The following SERPINI1 variants were observed in gnomAD, a reference collection of about 807,000 sequenced individuals.
SERPINI1 encodes neuroserpin.
A neutral mutation model predicts 41.1 loss-of-function variants in SERPINI1; 19 were observed. The ratio of observed to expected loss-of-function variants is 0.46; its 90% CI spans 0.32 to 0.68. SERPINI1 has a LOEUF of 0.68. Among genes scored for constraint, SERPINI1 ranks in the 30% least tolerant of loss-of-function variants. The pLI, the probability that SERPINI1 is intolerant of heterozygous loss-of-function variation, is 0.03. For synonymous variants in SERPINI1, 138 were observed against 156.6 expected, an observed-to-expected ratio of 0.88 and a Z score of 0.89; for missense variants, 460 against 479.2, an observed-to-expected ratio of 0.96 and a Z score of 0.37.
At chr3:167,781,141 G>A (rs1188859411) in intron 1 of SERPINI1, among the ~76,000 whole-genome samples, 1 of 151,938 alleles carries the variant, frequency 6.6e-6, no homozygotes, top group Non-Finnish European at 1.5e-5. Context: ...CTTCATTGCT[G>A]CTGATCTAAT....
At chr3:167,740,826 T>C (rs1169298656) in intron 1 of SERPINI1, among the ~76,000 whole-genome samples, 5 of 151,946 alleles carry the variant, frequency 3.3e-5, no homozygotes, top group Non-Finnish European at 7.4e-5. Context: ...TCTAGAACTC[T>C]GCTGATTTAA....
intron 4 of SERPINI1, among the ~76,000 whole-genome samples, chr3:167,793,834 A>ATG (rs1368712957): frequency 5.6e-5 from 6 of 106,658 alleles, no homozygotes; most frequent in East Asian, 4.9e-4. Flanking sequence ...TTTTGGCCAT[A>ATG]TGTATGTGTG....
At chr3:167,815,772 A>G (rs1712061228) in intron 6 of SERPINI1, among the ~76,000 whole-genome samples, 1 of 152,162 alleles carries the variant, frequency 6.6e-6, no homozygotes, top group South Asian at 2.1e-4. Flanking sequence ...GGTCTCATTT[A>G]CAGGTGTAGA....
intron 5 of SERPINI1, among the ~76,000 whole-genome samples, chr3:167,803,680 A>G (rs753279810): frequency 3.9e-5 from 6 of 152,186 alleles, no homozygotes; most frequent in Non-Finnish European, 8.8e-5. Flanking sequence ...TTTCATCACT[A>G]AAGTGTGAAA....
At chr3:167,794,863 G>A (rs746416019) in intron 5 of SERPINI1, 39 bp downstream of exon 5, 14 of 1,532,222 alleles carry the variant, frequency 9.1e-6, no homozygotes, top group African/African-American at 5.5e-5. Context: ...CAGCATGGAC[G>A]ATGGGCTATC....
intron 1 of SERPINI1, among the ~76,000 whole-genome samples, chr3:167,775,366 G>A (rs1470986979): frequency 6.6e-6 from 1 of 151,200 alleles, no homozygotes; most frequent in African/African-American, 2.4e-5. Flanking sequence ...GGTTCAAACA[G>A]TTCTCCTGCC....
At position 167,802,798 on chromosome 3, in the gene SERPINI1, A is replaced by T. The variant is rs1228688862; in HGVS notation, c.882-4446A>T. 1.3e-4 allele frequency among the ~76,000 whole-genome samples: 19 copies of T among 150,554 alleles called. No individual in the cohort carries two copies. The East Asian group carries it at 1.6e-3, about 12-fold the overall frequency. ...CTGGGTATATACCCAAAGGACTATA[A>T]ATCATGCTGCTATAAAGACACATGC... On this transcript the variant is annotated intron_variant, in intron 5 of 8. Transcript: ENST00000446050.
intron 1 of SERPINI1, among the ~76,000 whole-genome samples, chr3:167,772,823 A>ACTCT (rs1172788769): frequency 0.014 from 329 of 23,488 alleles, 17 homozygotes; most frequent in Non-Finnish European, 0.02. Context: ...GTATCTTGAG[A>ACTCT]CTCTCTCTCT....
chr3:167,792,378 T>TAC (rs1166026052), intron 3 of SERPINI1, among the ~76,000 whole-genome samples: 2 of 116,882 alleles, frequency 1.7e-5, no homozygotes, highest in East Asian at 4.4e-4. Context: ...TATATATATA[T>TAC]ACACACACAC....
intron 1 of SERPINI1, among the ~76,000 whole-genome samples, chr3:167,772,251 T>C (rs1020632050): frequency 2.3e-4 from 35 of 152,158 alleles, no homozygotes; most frequent in Admixed American, 1.9e-3. Flanking sequence ...GTCAAAGATA[T>C]ATTTTATGGG....
At chr3:167,825,052 G>A (rs1272147192) in intron 8 of SERPINI1, among the ~76,000 whole-genome samples, 195 bp from the exon 9 acceptor site, 1 of 145,460 alleles carries the variant, frequency 6.9e-6, no homozygotes, top group Admixed American at 7.1e-5. Context: ...TTCTCTAGAA[G>A]GAAAGAAGAA....
chr3:167,767,367 T>C (rs980410223), intron 1 of SERPINI1, among the ~76,000 whole-genome samples: 2 of 152,204 alleles, frequency 1.3e-5, no homozygotes, highest in Non-Finnish European at 2.9e-5. Context: ...TACTGCTCGT[T>C]GACAGTGTAT....
intron 6 of SERPINI1, among the ~76,000 whole-genome samples, chr3:167,818,153 G>A (rs1215902189): frequency 6.6e-6 from 1 of 151,800 alleles, no homozygotes; most frequent in South Asian, 2.1e-4. Context: ...AGCCTCCCTA[G>A]CAGCTGGGAT....
chr3:167,786,720 C>CTTTA (rs34947764), intron 1 of SERPINI1, among the ~76,000 whole-genome samples: 62 of 116,724 alleles, frequency 5.3e-4, no homozygotes, highest in African/African-American at 2.3e-3. Flanking sequence ...TTAAAAATGC[C>CTTTA]TTTCTTCAAT....
At chr3:167,787,800 C>T (rs1354876936) in intron 1 of SERPINI1, among the ~76,000 whole-genome samples, 1 of 152,190 alleles carries the variant, frequency 6.6e-6, no homozygotes, top group South Asian at 2.1e-4. Flanking sequence ...AAAACTGTTG[C>T]TTCTAACATG....
chr3:167,785,188 G>A (rs932767284), intron 1 of SERPINI1, among the ~76,000 whole-genome samples: 1 of 152,160 alleles, frequency 6.6e-6, no homozygotes, highest in African/African-American at 2.4e-5. Context: ...AGGTTGCAGT[G>A]AGCTGAGATC....
At chr3:167,757,051 C>A (rs1189702333) in intron 1 of SERPINI1, among the ~76,000 whole-genome samples, 1 of 152,148 alleles carries the variant, frequency 6.6e-6, no homozygotes, top group East Asian at 1.9e-4. Flanking sequence ...GCATCTATTA[C>A]TGATTAGGAT....
intron 1 of SERPINI1, among the ~76,000 whole-genome samples, chr3:167,771,138 T>C (rs1024973459): frequency 6.6e-6 from 1 of 152,206 alleles, no homozygotes; most frequent in African/African-American, 2.4e-5. Context: ...TTATAAGTAC[T>C]TGTATCTTTT....
chr3:167,760,065 T>C (rs1369648084), intron 1 of SERPINI1, among the ~76,000 whole-genome samples: 1 of 152,156 alleles, frequency 6.6e-6, no homozygotes, highest in East Asian at 1.9e-4. Flanking sequence ...AATATCCTGT[T>C]TCTCATCATA....
Sources: allele counts gnomAD v4.1 joint callset (sites outside exome capture counted in the v4.1 genomes callset), GRCh38; gene constraint gnomAD v4.1.1; transcripts MANE v1.5; gene names NCBI Gene and HGNC (gene_info 2026-07-23, HGNC 2026-07-21).